The following ATG13 variants were observed in gnomAD, a reference collection of about 807,000 sequenced individuals.
ATG13 encodes autophagy-related protein 13.
In ATG13, 23 loss-of-function variants were observed where a neutral mutation model predicts 65.5. The ratio of observed to expected loss-of-function variants is 0.35; its 90% CI spans 0.25 to 0.50. The LOEUF (loss-of-function observed/expected upper bound fraction) is 0.50, where lower values mean the gene tolerates loss of function less well. Ranked by LOEUF, ATG13 falls within the 20% of genes least tolerant of loss-of-function variation. The pLI, the probability that ATG13 is intolerant of heterozygous loss-of-function variation, is 0.98. For synonymous variants in ATG13, 252 were observed against 245.2 expected, an observed-to-expected ratio of 1.03 and a Z score of -0.26; for missense variants, 566 against 677.0, an observed-to-expected ratio of 0.84 and a Z score of 1.82.
chr11:46,655,810 T>C (rs1282612268), intron 7 of ATG13, among the ~76,000 whole-genome samples: 1 of 152,214 alleles, frequency 6.6e-6, no homozygotes, highest in Non-Finnish European at 1.5e-5. Context: ...CAATCTTGGC[T>C]CACTGCAGCG....
chr11:46,659,256 A>G, intron 10 of ATG13, 136 bp from the exon 11 acceptor site: 2 of 634,946 alleles, frequency 3.1e-6, no homozygotes, highest in East Asian at 2.7e-5. Context: ...AGGACTCCAC[A>G]TGCCTTTCTT....
intron 11 of ATG13, among the ~76,000 whole-genome samples, chr11:46,663,079 C>T (rs921121628): frequency 2.6e-5 from 4 of 151,992 alleles, no homozygotes; most frequent in African/African-American, 9.7e-5. Context: ...TCCTGGCTAA[C>T]ACGGTGAAAC....
At chr11:46,633,607 A>G (rs1034626768) in intron 2 of ATG13, among the ~76,000 whole-genome samples, 1 of 152,026 alleles carries the variant, frequency 6.6e-6, no homozygotes, top group East Asian at 1.9e-4. Context: ...TCTGCCACCC[A>G]AAGTGTTGGG....
At chr11:46,665,075 A>C in intron 13 of ATG13, 116 bp downstream of exon 13, 1 of 1,099,890 alleles carries the variant, frequency 9.1e-7, no homozygotes, top group Non-Finnish European at 1.3e-6. Context: ...TTCTGAAGCA[A>C]AACTCTTTCG....
chr11:46,657,635 A>G lies in ATG13; in HGVS notation c.695+13A>G. ...CCTGCAATTACAGGTGAGGAATGTG[A>G]AAAGGTGCTCTCCCAAACTGCAGCT... On this transcript the variant is annotated intron_variant, in intron 10 of 18. Coordinates refer to ENST00000683050, the MANE Select transcript of ATG13 (RefSeq NM_001346311.2). The G allele has an allele frequency of 1.3e-6, 2 of 1,574,856 alleles. No individual in the cohort carries two copies. The highest frequency in any genetic ancestry group is 1.7e-6 in the Non-Finnish European group (2 of 1,158,654).
At chr11:46,632,037 T>C (rs538667491) in intron 2 of ATG13, among the ~76,000 whole-genome samples, 194 of 152,330 alleles carry the variant, frequency 1.3e-3, no homozygotes, top group Non-Finnish European at 2.3e-3. Context: ...ATAAATAGTT[T>C]TTATTACTCA....
At chr11:46,656,817 T>C in intron 8 of ATG13, 1 of 409,448 alleles carries the variant, frequency 2.4e-6, no homozygotes, top group Non-Finnish European at 4.3e-6. Context: ...TTTTATCTCT[T>C]TGAAGGTAGC....
intron 17 of ATG13, 96 bp from the exon 18 acceptor site, chr11:46,669,308 G>A (rs1565631304): frequency 3.4e-6 from 5 of 1,458,410 alleles, no homozygotes; most frequent in Admixed American, 1.8e-5. Context: ...AAGCCTGAAA[G>A]AACCTTTTGA....
At chr11:46,652,455 C>T (rs777142245) in intron 7 of ATG13, among the ~76,000 whole-genome samples, 31 of 152,106 alleles carry the variant, frequency 2.0e-4, no homozygotes, top group Non-Finnish European at 4.3e-4. Flanking sequence ...TGACTCACGC[C>T]TATAATCCCA....
chr11:46,670,494 A>T (rs903014216), intron 18 of ATG13, among the ~76,000 whole-genome samples: 4 of 147,540 alleles, frequency 2.7e-5, no homozygotes, highest in African/African-American at 1.0e-4. Context: ...AAAAAAAAAA[A>T]AAAGTAATAA....
At chr11:46,638,721 C>G (rs1317545763) in intron 2 of ATG13, 2 of 152,164 alleles carry the variant, frequency 1.3e-5, no homozygotes, top group Admixed American at 6.6e-5. Context: ...TAACATAATG[C>G]TCTCCAGGTT....
At position 46,654,638 on chromosome 11, in the gene ATG13, C is replaced by T. The variant is rs1243017832; in HGVS notation, c.459-1595C>T. Reference sequence around the variant, plus strand: ...TTAGGAGACTGAGGTGAGAGGATCTCTTGAGCCCAGGAGGTTGAGGCTGCA... The same window carrying T: ...TTAGGAGACTGAGGTGAGAGGATCTTTTGAGCCCAGGAGGTTGAGGCTGCA... On this transcript the variant is annotated intron_variant, in intron 7 of 18. Coordinates refer to ENST00000683050, the MANE Select transcript of ATG13 (RefSeq NM_001346311.2). 4.0e-5 allele frequency among the ~76,000 whole-genome samples: 6 copies of T among 151,768 alleles called. No homozygotes were observed. In the East Asian group the frequency reaches 1.2e-3, roughly 30 times the overall value.
intron 1 of ATG13, among the ~76,000 whole-genome samples, chr11:46,619,804 C>T (rs1299439073): frequency 2.6e-5 from 4 of 151,588 alleles, no homozygotes; most frequent in South Asian, 4.2e-4. Flanking sequence ...CCGAGGCAGG[C>T]GAATCATGAG....
chr11:46,666,696 A>G (rs1236428513), intron 14 of ATG13, among the ~76,000 whole-genome samples: 2 of 151,886 alleles, frequency 1.3e-5, no homozygotes, highest in African/African-American at 4.8e-5. Flanking sequence ...AGATTCTCTG[A>G]CTCCAGAGCC....
intron 17 of ATG13, 88 bp downstream of exon 17, chr11:46,668,998 T>C (rs1392756924): frequency 8.9e-6 from 10 of 1,120,532 alleles, no homozygotes; most frequent in Admixed American, 1.8e-5. Flanking sequence ...ATTTCCTTCA[T>C]AGGGATCAGA....
rs776845458 is a variant in ATG13 at position 46,664,858 on chromosome 11, TCTCGC to T, written c.901_905del (p.Arg301PhefsTer13). The T allele has an allele frequency of 1.2e-6, 2 of 1,613,848 alleles. No homozygotes were observed. The highest frequency in any genetic ancestry group is 1.7e-6 in the Non-Finnish European group (2 of 1,179,742). ...TTTTTCTCTTGCTTAGCTCTCAAGCTCTCGCCTTTCCTATCAGCCTGCTGCCCTGG... is the reference window on the plus strand; with the variant it reads ...TTTTTCTCTTGCTTAGCTCTCAAGCTCTTTCCTATCAGCCTGCTGCCCTGG... On this transcript the variant is annotated frameshift_variant, in exon 13 of 19. Coordinates refer to ENST00000683050, the MANE Select transcript of ATG13 (RefSeq NM_001346311.2). LOFTEE classifies it high-confidence loss of function.
intron 2 of ATG13, among the ~76,000 whole-genome samples, chr11:46,634,015 C>CT (rs2071594279): frequency 6.6e-6 from 1 of 152,150 alleles, no homozygotes; most frequent in African/African-American, 2.4e-5. Context: ...TGACTAGACT[C>CT]TTTGCTGAAA....
intron 10 of ATG13, among the ~76,000 whole-genome samples, chr11:46,658,141 A>G (rs558060039): frequency 1.3e-5 from 2 of 152,332 alleles, no homozygotes; most frequent in South Asian, 4.1e-4. Context: ...GATTTGTGGA[A>G]TATCCTTGAC....
intron 2 of ATG13, among the ~76,000 whole-genome samples, chr11:46,643,220 G>C (rs1444226060): frequency 2.0e-5 from 3 of 152,116 alleles, no homozygotes; most frequent in African/African-American, 7.2e-5. Context: ...GGGGTTGGCG[G>C]TTCTTGCCCA....
Sources: allele counts gnomAD v4.1 joint callset (sites outside exome capture counted in the v4.1 genomes callset), GRCh38; gene constraint gnomAD v4.1.1; transcripts MANE v1.5; gene names NCBI Gene and HGNC (gene_info 2026-07-23, HGNC 2026-07-21).